Variants in SCRG1 observed in about 807,000 individuals in gnomAD.
The protein encoded by SCRG1 is stimulator of chondrogenesis 1.
SCRG1 carries 3 observed loss-of-function variants against 7.7 expected under a neutral mutation model. That is an observed-to-expected ratio of 0.39 (90% confidence interval 0.18 to 1.01). The LOEUF is 1.01. Ranked by LOEUF, SCRG1 falls within the 50% of genes least tolerant of loss-of-function variation. The probability of loss-of-function intolerance (pLI) is 0.36; values close to 1 mark genes in which losing one functional copy is unlikely to be tolerated. For missense variants in SCRG1, 110 were observed against 117.2 expected, an observed-to-expected ratio of 0.94 and a Z score of 0.28; for synonymous variants, 46 against 41.2, an observed-to-expected ratio of 1.12 and a Z score of -0.44.
the SCRG1 span, among the ~76,000 whole-genome samples, chr4:173,506,814 C>A: frequency 6.6e-6 from 1 of 152,188 alleles, no homozygotes; most frequent in Admixed American, 6.5e-5. This position sits in a 1 kb window ranked among gnomAD's most constrained non-coding sequence, Gnocchi z 5.3. Context: ...GGTGTCTAGT[C>A]CAGTCCAGGG....
At chr4:173,415,286 T>G in the SCRG1 span, among the ~76,000 whole-genome samples, 3 of 152,206 alleles carry the variant, frequency 2.0e-5, no homozygotes, top group Non-Finnish European at 2.9e-5. Flanking sequence ...GTGGCTAATC[T>G]GTTGTGAAGT....
the SCRG1 span, among the ~76,000 whole-genome samples, chr4:173,510,177 CG>C: frequency 6.6e-6 from 1 of 152,080 alleles, no homozygotes; most frequent in Admixed American, 6.5e-5. The surrounding 1 kb of genome is among the most constrained non-coding windows in gnomAD (Gnocchi z 5.7). Flanking sequence ...ACGCTGTCCC[CG>C]GGGTGTAATC....
chr4:173,485,089 T>TATATATTATATATTATATA, the SCRG1 span, among the ~76,000 whole-genome samples: 91 of 4,740 alleles, frequency 0.019, 22 homozygotes, highest in African/African-American at 0.054. Flanking sequence ...TATAATATAT[T>TATATATTATATATTATATA]ATATATTATA....
At chr4:173,419,547 G>A in the SCRG1 span, 1 of 729,918 alleles carries the variant, frequency 1.4e-6, no homozygotes, top group Non-Finnish European at 2.5e-6. Flanking sequence ...CCCATGATGT[G>A]CTTCCGGTGT....
the SCRG1 span, among the ~76,000 whole-genome samples, chr4:173,506,541 A>G: frequency 1.3e-5 from 2 of 152,250 alleles, no homozygotes; most frequent in Non-Finnish European, 2.9e-5. This position sits in a 1 kb window ranked among gnomAD's most constrained non-coding sequence, Gnocchi z 5.3. Context: ...AGATTAAACA[A>G]TAGGCAGCCT....
At chr4:173,422,504 C>A in the SCRG1 span, among the ~76,000 whole-genome samples, 1 of 152,268 alleles carries the variant, frequency 6.6e-6, no homozygotes, top group African/African-American at 2.4e-5. Flanking sequence ...CCTTCCCATC[C>A]TTACTTTTGC....
At chr4:173,509,167 A>T in the SCRG1 span, among the ~76,000 whole-genome samples, 1 of 151,812 alleles carries the variant, frequency 6.6e-6, no homozygotes, top group South Asian at 2.1e-4. This position sits in a 1 kb window ranked among gnomAD's most constrained non-coding sequence, Gnocchi z 5.7. Context: ...ATAACTCAAC[A>T]CTCTAATCGT....
the SCRG1 span, among the ~76,000 whole-genome samples, chr4:173,488,741 C>G: frequency 1.3e-5 from 2 of 152,160 alleles, no homozygotes; most frequent in Middle Eastern, 3.4e-3. Context: ...TCTGACAAAC[C>G]CTCTCAGTGG....
chr4:173,448,128 C>G, the SCRG1 span, among the ~76,000 whole-genome samples: 1 of 152,140 alleles, frequency 6.6e-6, no homozygotes, highest in South Asian at 2.1e-4. Context: ...CCAAACAAAC[C>G]AAAAAAACCC....
At chr4:173,481,601 C>T in the SCRG1 span, among the ~76,000 whole-genome samples, 12 of 152,146 alleles carry the variant, frequency 7.9e-5, no homozygotes, top group East Asian at 1.9e-4. Context: ...CCACCTCTTC[C>T]GCCTCTGCCA....
the SCRG1 span, among the ~76,000 whole-genome samples, chr4:173,431,765 A>G: frequency 2.0e-5 from 3 of 152,342 alleles, no homozygotes; most frequent in Admixed American, 6.5e-5. Context: ...AATGGGACAG[A>G]AAGTTTCTTA....
intron 1 of SCRG1, among the ~76,000 whole-genome samples, chr4:173,405,489 T>C (rs958937093): frequency 6.6e-6 from 1 of 152,200 alleles, no homozygotes; most frequent in Non-Finnish European, 1.5e-5. Flanking sequence ...CTATGCATGG[T>C]CCATATGTAA....
the SCRG1 span, among the ~76,000 whole-genome samples, chr4:173,507,948 G>T: frequency 6.6e-6 from 1 of 152,214 alleles, no homozygotes. The surrounding 1 kb of genome is among the most constrained non-coding windows in gnomAD (Gnocchi z 4.4). Flanking sequence ...CTGCTGCCCC[G>T]AGTGCGGCTC....
At chr4:173,501,623 C>G in the SCRG1 span, among the ~76,000 whole-genome samples, 1 of 152,088 alleles carries the variant, frequency 6.6e-6, no homozygotes, top group Non-Finnish European at 1.5e-5. The surrounding 1 kb of genome is among the most constrained non-coding windows in gnomAD (Gnocchi z 5.1). Flanking sequence ...CTCCCTGACC[C>G]TAGAGGGTCA....
the SCRG1 span, among the ~76,000 whole-genome samples, chr4:173,423,613 C>T: frequency 2.6e-5 from 4 of 151,908 alleles, no homozygotes; most frequent in Non-Finnish European, 4.4e-5. Context: ...ATTGTGAATA[C>T]AATACTTTCA....
upstream of SCRG1, chr4:173,399,298 G>A (rs907569200): frequency 6.6e-6 from 1 of 152,262 alleles, no homozygotes; most frequent in African/African-American, 2.4e-5. Context: ...GCCTCCTTTG[G>A]AAGTGTTCAG....
chr4:173,501,180 C>T, the SCRG1 span, among the ~76,000 whole-genome samples: 1 of 152,208 alleles, frequency 6.6e-6, no homozygotes, highest in Non-Finnish European at 1.5e-5. The surrounding 1 kb of genome is among the most constrained non-coding windows in gnomAD (Gnocchi z 5.1). Context: ...TCGGCAAGCA[C>T]TTCCGGGGTG....
At chr4:173,483,958 T>C in the SCRG1 span, among the ~76,000 whole-genome samples, 16 of 89,662 alleles carry the variant, frequency 1.8e-4, no homozygotes, top group South Asian at 5.3e-3. Flanking sequence ...ATATAATATA[T>C]TATATATTTT....
chr4:173,509,958 T>A, the SCRG1 span, among the ~76,000 whole-genome samples: 3 of 152,190 alleles, frequency 2.0e-5, no homozygotes, highest in Non-Finnish European at 4.4e-5. The surrounding 1 kb of genome is among the most constrained non-coding windows in gnomAD (Gnocchi z 5.7). Flanking sequence ...CTCACTTTAG[T>A]TCACTGCTGT....
Sources: allele counts gnomAD v4.1 joint callset (sites outside exome capture counted in the v4.1 genomes callset), GRCh38; gene constraint gnomAD v4.1.1; non-coding constraint Gnocchi (gnomAD v3.1); transcripts MANE v1.5; gene names NCBI Gene and HGNC (gene_info 2026-07-23, HGNC 2026-07-21).